ARSG: variants seen among roughly 807,000 people sequenced by gnomAD.
ARSG encodes arylsulfatase G, also known as ASG.
Under a neutral mutation model 50.5 loss-of-function variants are expected in ARSG, and 37 were observed. The observed-to-expected ratio is 0.73, with a 90% CI of 0.56 to 0.96. The LOEUF (loss-of-function observed/expected upper bound fraction) is 0.96, where lower values mean the gene tolerates loss of function less well. Among genes scored for constraint, ARSG ranks in the 50% least tolerant of loss-of-function variants. The pLI is 0.00. For missense variants in ARSG, 629 were observed against 675.3 expected (o/e 0.93, Z 0.76); for synonymous variants, 225 against 254.6 (o/e 0.88, Z 1.11).
chr17:68,343,555 C>G (rs756729266), intron 2 of ARSG, 49 bp from the exon 3 acceptor site: 5 of 1,500,930 alleles, frequency 3.3e-6, no homozygotes, highest in East Asian at 2.3e-5. Flanking sequence ...TTCTTTTACT[C>G]TGGCTTCCTG....
At chr17:68,297,964 T>C (rs2076266239) in intron 1 of ARSG, among the ~76,000 whole-genome samples, 1 of 129,986 alleles carries the variant, frequency 7.7e-6, no homozygotes, top group Admixed American at 9.7e-5. Context: ...AAGTTTACTG[T>C]GACTCTTTTT....
At chr17:68,410,332 AG>A (rs1303264192) in intron 11 of ARSG, among the ~76,000 whole-genome samples, 3 of 143,038 alleles carry the variant, frequency 2.1e-5, no homozygotes, top group East Asian at 2.0e-4. Flanking sequence ...TTTAGCATGA[AG>A]GGTTGTTGAA....
chr17:68,315,231 C>T (rs2077024499), intron 2 of ARSG, among the ~76,000 whole-genome samples: 1 of 152,162 alleles, frequency 6.6e-6, no homozygotes, highest in Non-Finnish European at 1.5e-5. Context: ...ATTTGGCCAG[C>T]TTTCCCATAT....
the ARSG span, chr17:68,429,902 CT>C: frequency 2.5e-6 from 4 of 1,578,250 alleles, no homozygotes; most frequent in African/African-American, 1.4e-5. Flanking sequence ...GGCAAGTTTT[CT>C]TTTTTTCTTT....
At position 68,343,568 on chromosome 17, in the gene ARSG, G is replaced by T. The variant is rs187581895; in HGVS notation, c.219-36G>T. The T allele has an allele frequency of 5.3e-3, 8,080 of 1,531,984 alleles. 34 individuals are homozygous for T. Among genetic ancestry groups the T allele is most frequent in the Admixed American group, 8.3e-3 (394 of 47,332 alleles). The allele number at this position is 1,531,984 out of a possible 1,614,324, so 94.9% of individuals were successfully genotyped here. ...TTTTCTTTTACTCTGGCTTCCTGTG[G>T]TTGGTGCGGTCCTGACCACTGTCCT... is the stretch of plus-strand genomic sequence containing the variant. On this transcript the variant is annotated intron_variant, in intron 2 of 11. Transcript: ENST00000621439.
At chr17:68,321,040 G>A (rs1413613985) in intron 2 of ARSG, among the ~76,000 whole-genome samples, 3 of 151,968 alleles carry the variant, frequency 2.0e-5, no homozygotes, top group Admixed American at 6.6e-5. Flanking sequence ...GGTGACGTGC[G>A]GTGGCTACTT....
intron 11 of ARSG, among the ~76,000 whole-genome samples, chr17:68,408,247 C>T (rs1394065664): frequency 6.6e-6 from 1 of 150,798 alleles, no homozygotes; most frequent in Admixed American, 6.6e-5. Context: ...TAGCATTAGG[C>T]ATATCTCCCA....
In ARSG at chr17:68,368,135, A is replaced by T. The variant is rs187210987; in HGVS notation, c.705-413A>T. On this transcript the variant is annotated intron_variant, in intron 6 of 11. Coordinates refer to ENST00000621439, the MANE Select transcript of ARSG (RefSeq NM_001267727.2). ...CAGGATAGTCTGGATGCTGCAAAAT[A>T]AAATTTAAAGGTGTGTGTGTGTGCC... Among the ~76,000 whole-genome samples the T allele has an allele frequency of 3.6e-3, 546 of 152,320 alleles. 1 individual carries two copies. The highest frequency in any genetic ancestry group is 6.0e-3 in the Non-Finnish European group (410 of 68,014).
chr17:68,299,100 CTTTTTTTTTTTTT>C (rs201821256), intron 1 of ARSG, among the ~76,000 whole-genome samples: 80 of 105,556 alleles, frequency 7.6e-4, no homozygotes, highest in Admixed American at 2.4e-3. Flanking sequence ...AAAAATTGAA[CTTTTTTTTTTTTT>C]TTTTTTTTTG....
intron 1 of ARSG, among the ~76,000 whole-genome samples, chr17:68,275,623 C>T (rs2145018998): frequency 6.6e-6 from 1 of 152,170 alleles, no homozygotes; most frequent in Admixed American, 6.5e-5. Flanking sequence ...CCAAATGTAA[C>T]ATTTTAGTCC....
chr17:68,444,561 A>G, the ARSG span: 1 of 1,614,090 alleles, frequency 6.2e-7, no homozygotes, highest in Non-Finnish European at 8.5e-7. Context: ...GTGAATATAA[A>G]TGGACTCTTC....
the ARSG span, among the ~76,000 whole-genome samples, chr17:68,446,739 C>T: frequency 2.5e-4 from 38 of 152,308 alleles, no homozygotes; most frequent in African/African-American, 8.9e-4. Context: ...CCTGGGATAG[C>T]GGGGCCTTGA....
the ARSG span, among the ~76,000 whole-genome samples, chr17:68,430,355 T>G: frequency 6.6e-6 from 1 of 152,206 alleles, no homozygotes; most frequent in Non-Finnish European, 1.5e-5. Flanking sequence ...AAGGGCTTGT[T>G]TGTTCTTCAG....
At chr17:68,414,164 T>A (rs1346442474) in intron 11 of ARSG, 2 of 152,420 alleles carry the variant, frequency 1.3e-5, no homozygotes, top group Admixed American at 6.5e-5. Flanking sequence ...TTCTTATAGA[T>A]GGCTTTTATT....
At chr17:68,451,957 A>C in the ARSG span, among the ~76,000 whole-genome samples, 1 of 152,202 alleles carries the variant, frequency 6.6e-6, no homozygotes, top group Non-Finnish European at 1.5e-5. Context: ...TAGAGCAAAA[A>C]ATTCACAAAA....
intron 1 of ARSG, among the ~76,000 whole-genome samples, chr17:68,299,325 G>A (rs868995225): frequency 5.3e-5 from 8 of 151,836 alleles, no homozygotes; most frequent in African/African-American, 9.7e-5. Flanking sequence ...GGCTGGTCTC[G>A]AACTCCTGAC....
intron 1 of ARSG, among the ~76,000 whole-genome samples, chr17:68,275,388 T>C (rs2075481755): frequency 6.6e-6 from 1 of 152,194 alleles, no homozygotes. Context: ...CTATGTTAAC[T>C]ATTAGAATAC....
At chr17:68,313,600 C>G (rs1412539424) in intron 2 of ARSG, among the ~76,000 whole-genome samples, 2 of 151,980 alleles carry the variant, frequency 1.3e-5, no homozygotes, top group East Asian at 3.9e-4. Flanking sequence ...AAGGTCACGT[C>G]ACAGGTTCTG....
At chr17:68,304,501 C>T (rs1191924328) in intron 1 of ARSG, among the ~76,000 whole-genome samples, 1 of 152,068 alleles carries the variant, frequency 6.6e-6, no homozygotes, top group Non-Finnish European at 1.5e-5. Context: ...GGTTTTTATC[C>T]CGGTCTTCCA....
Sources: gnomAD v4.1 joint callset for allele counts (sites outside exome capture counted in the v4.1 genomes callset) on GRCh38, gnomAD v4.1.1 for gene constraint, MANE v1.5 for transcripts, NCBI Gene and HGNC (gene_info 2026-07-23, HGNC 2026-07-21) for gene names.